Variants in SV2C observed in about 807,000 individuals in gnomAD.
The protein encoded by SV2C is solute carrier family 22 member B3.
Under a neutral mutation model 79.7 loss-of-function variants are expected in SV2C, and 49 were observed. The ratio of observed to expected loss-of-function variants is 0.61; its 90% CI spans 0.49 to 0.78. The LOEUF is 0.78. SV2C is among the 30% of genes least tolerant of loss of function. The probability of loss-of-function intolerance (pLI) is 0.00; values close to 1 mark genes in which losing one functional copy is unlikely to be tolerated. For synonymous variants in SV2C, 334 were observed against 333.2 expected, an observed-to-expected ratio of 1.00 and a Z score of -0.03; for missense variants, 833 against 912.9, an observed-to-expected ratio of 0.91 and a Z score of 1.13.
At chr5:75,989,142 T>G in the SV2C span, among the ~76,000 whole-genome samples, 11 of 152,082 alleles carry the variant, frequency 7.2e-5, no homozygotes, top group East Asian at 1.9e-4. Flanking sequence ...CCTTTTTTTC[T>G]TTTCCTTTTT....
intron 4 of SV2C, among the ~76,000 whole-genome samples, chr5:76,229,012 AAACATTCCTC>A (rs1181217072): frequency 1.3e-5 from 2 of 152,182 alleles, no homozygotes; most frequent in Admixed American, 1.3e-4. Context: ...GCTTTCTGTC[AAACATTCCTC>A]AAGTTCAAGG....
the SV2C span, among the ~76,000 whole-genome samples, chr5:76,043,770 CA>C: frequency 6.6e-6 from 1 of 152,008 alleles, no homozygotes; most frequent in African/African-American, 2.4e-5. Flanking sequence ...TGTATTTGTA[CA>C]TCATTCCTTT....
the SV2C span, among the ~76,000 whole-genome samples, chr5:75,948,635 T>C: frequency 7.2e-5 from 11 of 151,956 alleles, no homozygotes; most frequent in Non-Finnish European, 1.5e-5. Flanking sequence ...TAAGGCGACG[T>C]TTGTGTAGAA....
At chr5:76,001,355 C>A in the SV2C span, among the ~76,000 whole-genome samples, 1 of 152,172 alleles carries the variant, frequency 6.6e-6, no homozygotes, top group Admixed American at 6.5e-5. Context: ...AATCCCAGCA[C>A]TTTGGGAGGC....
the SV2C span, among the ~76,000 whole-genome samples, chr5:75,949,689 T>C: frequency 1.3e-5 from 2 of 152,062 alleles, no homozygotes; most frequent in Non-Finnish European, 2.9e-5. Context: ...CCATGTAAGA[T>C]ATCCCTTCCA....
chr5:76,012,939 C>T, the SV2C span, among the ~76,000 whole-genome samples: 2 of 152,126 alleles, frequency 1.3e-5, no homozygotes, highest in East Asian at 1.9e-4. Flanking sequence ...ATTTCTGAGG[C>T]CTCTGTTCTG....
intron 1 of SV2C, among the ~76,000 whole-genome samples, chr5:76,109,280 A>G (rs1374754599): frequency 1.3e-5 from 2 of 152,200 alleles, no homozygotes; most frequent in African/African-American, 2.4e-5. Context: ...AAAGGGCTCA[A>G]TCTCTTGAGA....
At chr5:76,191,609 C>G (rs534940581) in intron 2 of SV2C, among the ~76,000 whole-genome samples, 1 of 152,200 alleles carries the variant, frequency 6.6e-6, no homozygotes, top group East Asian at 1.9e-4. Flanking sequence ...AGCAGCTTAG[C>G]AAAGAGACAG....
chr5:76,312,857 A>AC (rs1314177610), intron 12 of SV2C, among the ~76,000 whole-genome samples: 1 of 152,146 alleles, frequency 6.6e-6, no homozygotes, highest in East Asian at 1.9e-4. Context: ...TGCTGCCATC[A>AC]CCCAGTGCAG....
chr5:76,297,379 C>A (rs1409001350), intron 9 of SV2C, among the ~76,000 whole-genome samples: 1 of 152,118 alleles, frequency 6.6e-6, no homozygotes, highest in Non-Finnish European at 1.5e-5. Context: ...AAGAAACTGA[C>A]AACAATGGTT....
chr5:76,228,537 A>T (rs1335004280), intron 4 of SV2C, among the ~76,000 whole-genome samples: 5 of 152,134 alleles, frequency 3.3e-5, no homozygotes, highest in African/African-American at 1.2e-4. Context: ...AATTAAGGCA[A>T]GGAAACCGTA....
the SV2C span, among the ~76,000 whole-genome samples, chr5:76,026,626 A>C: frequency 3.9e-5 from 6 of 152,370 alleles, no homozygotes; most frequent in South Asian, 1.2e-3. Flanking sequence ...GATAACTTTG[A>C]GAAATCAATC....
chr5:76,314,352 G>A (rs1186538251), intron 12 of SV2C, among the ~76,000 whole-genome samples: 6 of 152,100 alleles, frequency 3.9e-5, no homozygotes, highest in Admixed American at 2.0e-4. Context: ...ATCACAGCCT[G>A]AGACCTCCTG....
intron 4 of SV2C, among the ~76,000 whole-genome samples, chr5:76,263,654 G>T (rs562303046): frequency 2.6e-5 from 4 of 152,234 alleles, no homozygotes; most frequent in South Asian, 2.1e-4. Flanking sequence ...TGTAAGGCAG[G>T]CTTGGTGATG....
At chr5:76,231,019 T>A (rs1745402324) in intron 4 of SV2C, among the ~76,000 whole-genome samples, 1 of 152,218 alleles carries the variant, frequency 6.6e-6, no homozygotes, top group Non-Finnish European at 1.5e-5. Context: ...AAAGAATGGA[T>A]TAGGAACTCT....
At chr5:75,971,816 A>G in the SV2C span, among the ~76,000 whole-genome samples, 1 of 152,080 alleles carries the variant, frequency 6.6e-6, no homozygotes, top group Non-Finnish European at 1.5e-5. Context: ...ACAGAATTGG[A>G]AAAAACTACT....
intron 1 of SV2C, among the ~76,000 whole-genome samples, chr5:76,098,795 T>C (rs1747643946): frequency 6.6e-6 from 1 of 152,234 alleles, no homozygotes; most frequent in Admixed American, 6.5e-5. Flanking sequence ...TAATTAAATG[T>C]GAGACCATGA....
At chr5:76,272,531 AC>A (rs1746903896) in intron 4 of SV2C, among the ~76,000 whole-genome samples, 1 of 152,216 alleles carries the variant, frequency 6.6e-6, no homozygotes, top group South Asian at 2.1e-4. Flanking sequence ...TGAAATAAGC[AC>A]CACTATTTTG....
intron 1 of SV2C, among the ~76,000 whole-genome samples, chr5:76,113,925 C>T (rs966993800): frequency 1.3e-5 from 2 of 152,206 alleles, no homozygotes; most frequent in East Asian, 3.9e-4. Context: ...CAATCATACA[C>T]ACACACACAC....
Sources: allele counts gnomAD v4.1 joint callset (sites outside exome capture counted in the v4.1 genomes callset), GRCh38; gene constraint gnomAD v4.1.1; transcripts MANE v1.5; gene names NCBI Gene and HGNC (gene_info 2026-07-23, HGNC 2026-07-21).